The following LINGO2 variants were observed in gnomAD, a reference collection of about 807,000 sequenced individuals.
LINGO2 encodes the protein leucine-rich repeat and immunoglobulin-like domain-containing nogo receptor-interacting protein 2.
Under a neutral mutation model 30.6 loss-of-function variants are expected in LINGO2, and 14 were observed. That is an observed-to-expected ratio of 0.46 (90% CI 0.30 to 0.72). The LOEUF (loss-of-function observed/expected upper bound fraction) is 0.72, where lower values mean the gene tolerates loss of function less well. Ranked by LOEUF, LINGO2 falls within the 30% of genes least tolerant of loss-of-function variation. The pLI is 0.07. For synonymous variants in LINGO2, 317 were observed against 288.5 expected (o/e 1.10, Z -1.00); for missense variants, 729 against 751.7 (o/e 0.97, Z 0.35).
At chr9:29,173,174 G>T in the LINGO2 span, among the ~76,000 whole-genome samples, 5 of 152,036 alleles carry the variant, frequency 3.3e-5, no homozygotes, top group Non-Finnish European at 7.4e-5. Flanking sequence ...TATAGTGGGT[G>T]GAGAAAATTG....
intron 4 of LINGO2, among the ~76,000 whole-genome samples, chr9:28,178,665 T>G (rs1828815458): frequency 6.6e-6 from 1 of 152,146 alleles, no homozygotes; most frequent in Non-Finnish European, 1.5e-5. Context: ...TACGGTTTCT[T>G]TAGACTGTGC....
the LINGO2 span, among the ~76,000 whole-genome samples, chr9:28,875,022 A>G: frequency 6.6e-6 from 1 of 152,092 alleles, no homozygotes; most frequent in Non-Finnish European, 1.5e-5. Flanking sequence ...TCTCTCTCAG[A>G]GAGAATTATA....
intron 3 of LINGO2, among the ~76,000 whole-genome samples, chr9:28,345,731 T>C (rs920981090): frequency 2.6e-5 from 4 of 152,184 alleles, no homozygotes; most frequent in Admixed American, 6.5e-5. Flanking sequence ...CTCATTGTGA[T>C]AAAATCACTA....
chr9:28,006,621 T>C (rs2119199448), intron 5 of LINGO2, among the ~76,000 whole-genome samples: 1 of 152,282 alleles, frequency 6.6e-6, no homozygotes, highest in East Asian at 1.9e-4. Flanking sequence ...TGCATATTAA[T>C]TCCAAACCAA....
At chr9:28,167,919 T>G (rs1315509979) in intron 4 of LINGO2, among the ~76,000 whole-genome samples, 16 of 152,220 alleles carry the variant, frequency 1.1e-4, no homozygotes, top group Admixed American at 1.0e-3. Context: ...GGGAGGCTTC[T>G]TCATAGAAGT....
chr9:28,034,656 TTC>T (rs913655374), intron 4 of LINGO2, among the ~76,000 whole-genome samples: 25 of 152,332 alleles, frequency 1.6e-4, no homozygotes, highest in African/African-American at 5.5e-4. Context: ...GAACAAGGAT[TTC>T]TCTCTCAGAA....
intron 4 of LINGO2, among the ~76,000 whole-genome samples, chr9:28,122,095 C>T (rs950405866): frequency 2.6e-5 from 4 of 152,114 alleles, no homozygotes; most frequent in Admixed American, 2.0e-4. Flanking sequence ...CATGATACTA[C>T]TTTTTACTTA....
At chr9:28,080,249 A>G (rs1262192241) in intron 4 of LINGO2, among the ~76,000 whole-genome samples, 1 of 152,218 alleles carries the variant, frequency 6.6e-6, no homozygotes, top group Non-Finnish European at 1.5e-5. Flanking sequence ...TTTAATTGCA[A>G]TAATAAGAAT....
intron 3 of LINGO2, among the ~76,000 whole-genome samples, chr9:28,330,608 T>C (rs1195793989): frequency 6.6e-6 from 1 of 152,124 alleles, no homozygotes; most frequent in Admixed American, 6.5e-5. Context: ...AATAAATAAA[T>C]AAATAATGGC....
intron 2 of LINGO2, among the ~76,000 whole-genome samples, chr9:28,472,606 A>G (rs1008617196): frequency 6.6e-6 from 1 of 152,094 alleles, no homozygotes; most frequent in African/African-American, 2.4e-5. Context: ...AACCCTTTCC[A>G]TTTATTTCTT....
chr9:28,862,401 C>A, the LINGO2 span, among the ~76,000 whole-genome samples: 1 of 152,038 alleles, frequency 6.6e-6, no homozygotes, highest in Admixed American at 6.6e-5. Context: ...CATATTTATA[C>A]ACATATATTT....
chr9:28,043,649 A>AC (rs1824291417), intron 4 of LINGO2, among the ~76,000 whole-genome samples: 1 of 152,154 alleles, frequency 6.6e-6, no homozygotes, highest in Non-Finnish European at 1.5e-5. Context: ...ACCCTCATGT[A>AC]CCCATCACCC....
intron 5 of LINGO2, among the ~76,000 whole-genome samples, chr9:27,984,425 G>C (rs113472051): frequency 2.0e-5 from 3 of 151,798 alleles, no homozygotes; most frequent in Non-Finnish European, 4.4e-5. Context: ...AAATGGAATT[G>C]GGTCTTCTGA....
intron 3 of LINGO2, among the ~76,000 whole-genome samples, chr9:28,327,660 G>A (rs1338921837): frequency 6.6e-6 from 1 of 152,102 alleles, no homozygotes; most frequent in Non-Finnish European, 1.5e-5. Context: ...ACTTGTTTTT[G>A]TCATCTTTGT....
intron 5 of LINGO2, among the ~76,000 whole-genome samples, chr9:28,002,746 C>T (rs1822024911): frequency 1.3e-5 from 2 of 151,964 alleles, no homozygotes; most frequent in South Asian, 2.1e-4. Context: ...AAAATCGATT[C>T]CTAGCTAGGG....
chr9:28,279,982 T>C (rs1347124404), intron 4 of LINGO2, among the ~76,000 whole-genome samples: 1 of 152,142 alleles, frequency 6.6e-6, no homozygotes, highest in Non-Finnish European at 1.5e-5. Context: ...AGAAAGTAAG[T>C]TATCTTAGGA....
the LINGO2 span, among the ~76,000 whole-genome samples, chr9:29,142,600 TA>T: frequency 6.6e-6 from 1 of 151,586 alleles, no homozygotes; most frequent in Non-Finnish European, 1.5e-5. Context: ...GTAGTAACAA[TA>T]AAAGACACTA....
chr9:28,809,620 C>T, the LINGO2 span, among the ~76,000 whole-genome samples: 2 of 151,974 alleles, frequency 1.3e-5, no homozygotes, highest in African/African-American at 4.8e-5. Flanking sequence ...GTGGCAGGCA[C>T]CTGTAATTCC....
the LINGO2 span, among the ~76,000 whole-genome samples, chr9:28,969,621 C>A: frequency 6.0e-4 from 92 of 152,146 alleles, no homozygotes; most frequent in East Asian, 0.017. Context: ...TAATTCATTA[C>A]CCTGTTCCTG....
Sources: allele counts gnomAD v4.1 joint callset (sites outside exome capture counted in the v4.1 genomes callset), GRCh38; gene constraint gnomAD v4.1.1; transcripts MANE v1.5; gene names NCBI Gene and HGNC (gene_info 2026-07-23, HGNC 2026-07-21).